ZNF385D: variants seen among roughly 807,000 people sequenced by gnomAD.
ZNF385D encodes zinc finger protein 659.
Under a neutral mutation model 35.8 loss-of-function variants are expected in ZNF385D, and 15 were observed. The ratio of observed to expected loss-of-function variants is 0.42; its 90% confidence interval spans 0.28 to 0.64. The LOEUF is 0.64. Among genes scored for constraint, ZNF385D ranks in the 30% least tolerant of loss-of-function variants. ZNF385D has a pLI of 0.23. For missense variants in ZNF385D, 474 were observed against 494.6 expected, an observed-to-expected ratio of 0.96 and a Z score of 0.39; for synonymous variants, 212 against 186.8, an observed-to-expected ratio of 1.13 and a Z score of -1.10.
At position 22,034,874 on chromosome 3, in the gene ZNF385D, A is replaced by G. The variant is rs186898560; in HGVS notation, c.325+133943T>C. On this transcript the variant is annotated intron_variant, in intron 3 of 5. Transcript: ENST00000494108. Reference sequence around the variant, plus strand: ...AATGTATATGATAATTTAATAAAAAATATCTAAAAGTCAGCCCGGAGATAT... The same window carrying G: ...AATGTATATGATAATTTAATAAAAAGTATCTAAAAGTCAGCCCGGAGATAT... 3.4e-3 allele frequency among the ~76,000 whole-genome samples: 511 copies of G among 152,298 alleles called. 3 individuals carry two copies. The highest frequency in any genetic ancestry group is 6.2e-3 in the South Asian group (30 of 4,830).
chr3:21,842,338 G>T (rs1251692757), intron 3 of ZNF385D, among the ~76,000 whole-genome samples: 2 of 151,912 alleles, frequency 1.3e-5, no homozygotes, highest in Non-Finnish European at 2.9e-5. Context: ...GAGCAAGATG[G>T]GAAGGGAAGG....
chr3:21,656,929 T>C (rs534009368), intron 2 of ZNF385D, among the ~76,000 whole-genome samples: 98 of 152,030 alleles, frequency 6.4e-4, no homozygotes, highest in African/African-American at 2.2e-3. Context: ...TTTTCTTATT[T>C]GGGTCCTCTT....
chr3:22,265,010 C>T (rs9861524), intron 2 of ZNF385D, among the ~76,000 whole-genome samples: 10,157 of 151,882 alleles, frequency 0.067, 872 homozygotes, highest in African/African-American at 0.2. Flanking sequence ...CCTCAGATAA[C>T]GGACTTTTTT....
chr3:21,997,580 G>T (rs1314371888), intron 3 of ZNF385D, among the ~76,000 whole-genome samples: 1 of 151,592 alleles, frequency 6.6e-6, no homozygotes, highest in African/African-American at 2.4e-5. Context: ...GTATAATATG[G>T]AGAGGAAGTA....
intron 3 of ZNF385D, among the ~76,000 whole-genome samples, chr3:21,804,010 C>T (rs2072523501): frequency 6.6e-6 from 1 of 152,090 alleles, no homozygotes; most frequent in African/African-American, 2.4e-5. Context: ...ATGAAGAAAC[C>T]TTTGCTGGGA....
chr3:21,767,888 T>C (rs1025090241), intron 3 of ZNF385D, among the ~76,000 whole-genome samples: 2 of 152,140 alleles, frequency 1.3e-5, no homozygotes, highest in African/African-American at 4.8e-5. Context: ...TTTTATATTA[T>C]CTTGAACATT....
chr3:21,573,539 G>A (rs1347271646), intron 2 of ZNF385D, among the ~76,000 whole-genome samples: 8 of 152,116 alleles, frequency 5.3e-5, no homozygotes, highest in East Asian at 1.9e-4. Flanking sequence ...AGATAATTAC[G>A]AGGAAGTGTT....
chr3:21,606,195 C>T (rs1335337339), intron 2 of ZNF385D, among the ~76,000 whole-genome samples: 1 of 152,106 alleles, frequency 6.6e-6, no homozygotes, highest in Non-Finnish European at 1.5e-5. Context: ...TCAAATCATG[C>T]AGCCTGTCCC....
chr3:22,112,127 T>A (rs1702567858), intron 3 of ZNF385D, among the ~76,000 whole-genome samples: 1 of 152,140 alleles, frequency 6.6e-6, no homozygotes, highest in South Asian at 2.1e-4. Context: ...AACATGTAAA[T>A]GCAAGCAAAG....
At chr3:21,946,563 G>A (rs1575981216) in intron 3 of ZNF385D, among the ~76,000 whole-genome samples, 2 of 115,222 alleles carry the variant, frequency 1.7e-5, no homozygotes, top group South Asian at 5.3e-4. Context: ...CAAGCACAGT[G>A]GCTCACACCT....
intron 3 of ZNF385D, among the ~76,000 whole-genome samples, chr3:22,126,991 T>C (rs1168068412): frequency 6.6e-6 from 1 of 152,174 alleles, no homozygotes; most frequent in Non-Finnish European, 1.5e-5. Flanking sequence ...CAAGTATAGT[T>C]ATTCCTGTTC....
At chr3:21,982,655 T>G (rs759408259) in intron 3 of ZNF385D, among the ~76,000 whole-genome samples, 34 of 152,198 alleles carry the variant, frequency 2.2e-4, no homozygotes, top group Middle Eastern at 3.2e-3. Flanking sequence ...CATACTTGTC[T>G]TGAGCTGGTA....
intron 2 of ZNF385D, among the ~76,000 whole-genome samples, chr3:22,226,752 C>T (rs1698580694): frequency 6.6e-6 from 1 of 152,110 alleles, no homozygotes; most frequent in Non-Finnish European, 1.5e-5. Context: ...TTGTTCCATT[C>T]TTTCACCCTC....
chr3:21,417,565 A>G lies in ZNF385D; in HGVS notation c.*3649T>C, dbSNP rs1437442527. ...ATTTCTTCAGAACAATTGAAACATT[A>G]CACTGGTACAAAGACAAAGATATTA... On this transcript the variant is annotated 3_prime_UTR_variant, in exon 8 of 8. Transcript: ENST00000281523. 2.0e-5 allele frequency: 3 copies of G among 152,174 alleles called. No homozygotes were observed. Among genetic ancestry groups the G allele is most frequent in the African/African-American group, 7.2e-5 (3 of 41,458 alleles). The allele number at this position is 152,174 out of a possible 1,614,324, so 9.4% of individuals were successfully genotyped here.
chr3:21,890,111 A>T (rs1252360678), intron 3 of ZNF385D, among the ~76,000 whole-genome samples: 1 of 152,130 alleles, frequency 6.6e-6, no homozygotes, highest in Non-Finnish European at 1.5e-5. Context: ...GGCTTCAAAC[A>T]TATATATATC....
chr3:21,861,135 T>C (rs1304354384), intron 3 of ZNF385D, among the ~76,000 whole-genome samples: 2 of 152,114 alleles, frequency 1.3e-5, no homozygotes, highest in African/African-American at 4.8e-5. Flanking sequence ...GTTGGCCAAC[T>C]CACTGGTCTA....
intron 2 of ZNF385D, among the ~76,000 whole-genome samples, chr3:22,259,230 A>T (rs1700482301): frequency 6.6e-6 from 1 of 151,924 alleles, no homozygotes; most frequent in African/African-American, 2.4e-5. Flanking sequence ...AATCTCATGT[A>T]ATAATATCAT....
At chr3:21,792,094 G>T (rs972945396) in intron 3 of ZNF385D, among the ~76,000 whole-genome samples, 7 of 152,152 alleles carry the variant, frequency 4.6e-5, no homozygotes, top group African/African-American at 1.7e-4. Flanking sequence ...TCAAAAGATG[G>T]AGGGCCCAAA....
intron 2 of ZNF385D, among the ~76,000 whole-genome samples, chr3:21,650,190 A>G (rs1359759026): frequency 6.6e-6 from 1 of 152,328 alleles, no homozygotes; most frequent in Admixed American, 6.5e-5. Flanking sequence ...AGAATTATAT[A>G]TGTAATAAAA....
Sources: allele counts gnomAD v4.1 joint callset (sites outside exome capture counted in the v4.1 genomes callset), GRCh38; gene constraint gnomAD v4.1.1; transcripts MANE v1.5; gene names NCBI Gene and HGNC (gene_info 2026-07-23, HGNC 2026-07-21).